The following TENM3 variants were observed in gnomAD, a reference collection of about 807,000 sequenced individuals.
TENM3 encodes the protein teneurin-3.
Under a neutral mutation model 255.1 loss-of-function variants are expected in TENM3, and 63 were observed. The observed-to-expected ratio is 0.25, with a 90% CI of 0.20 to 0.30. The LOEUF is 0.30. TENM3 is among the 10% of genes least tolerant of loss of function. The pLI, the probability that TENM3 is intolerant of heterozygous loss-of-function variation, is 1.00. For synonymous variants in TENM3, 1,306 were observed against 1,322.3 expected (o/e 0.99, Z 0.27); for missense variants, 2,929 against 3,461.1 (o/e 0.85, Z 3.86).
chr4:181,732,696 G>T, the TENM3 span, among the ~76,000 whole-genome samples: 5 of 151,854 alleles, frequency 3.3e-5, no homozygotes, highest in African/African-American at 9.7e-5. Flanking sequence ...ACCAAGAAAA[G>T]AAGGGCAAAA....
the TENM3 span, among the ~76,000 whole-genome samples, chr4:181,797,701 G>C: frequency 6.6e-6 from 1 of 152,100 alleles, no homozygotes; most frequent in Non-Finnish European, 1.5e-5. Flanking sequence ...CATAGGCTTC[G>C]CAGTGATTAT....
intron 3 of TENM3, among the ~76,000 whole-genome samples, chr4:182,464,369 G>C (rs888661650): frequency 6.6e-6 from 1 of 152,122 alleles, no homozygotes; most frequent in Admixed American, 6.5e-5. Context: ...TGATTCTCCT[G>C]ACTCAGCCTC....
At chr4:182,235,813 C>T (rs1486547328) in intron 1 of TENM3, among the ~76,000 whole-genome samples, 1 of 152,182 alleles carries the variant, frequency 6.6e-6, no homozygotes, top group Non-Finnish European at 1.5e-5. Flanking sequence ...TGTGTTCATT[C>T]AGGCAGTGAA....
At chr4:181,779,375 C>T in the TENM3 span, among the ~76,000 whole-genome samples, 1 of 151,804 alleles carries the variant, frequency 6.6e-6, no homozygotes, top group African/African-American at 2.4e-5. Flanking sequence ...CAGTTCTAAA[C>T]AAGAACTACA....
chr4:182,374,476 G>T (rs562347622), intron 3 of TENM3, among the ~76,000 whole-genome samples: 2 of 152,092 alleles, frequency 1.3e-5, no homozygotes, highest in Non-Finnish European at 2.9e-5. Flanking sequence ...CACATGATGA[G>T]TTGTGTTATA....
In TENM3 at chr4:182,160,159, C is replaced by T. The variant is rs1460504481; in HGVS notation, c.-76+15405C>T. 7.3e-5 allele frequency among the ~76,000 whole-genome samples: 11 copies of T among 149,916 alleles called. 1 individual carries two copies. Among genetic ancestry groups the T allele is most frequent in the Non-Finnish European group, 1.0e-4 (7 of 67,038 alleles). ...CTGGGACTACAGGCGCCCGCCACCA[C>T]GCCTGGCTAATTTTATGTATTTTTA... On this transcript the variant is annotated intron_variant, in intron 1 of 2. Transcript: ENST00000512480.
At chr4:181,899,107 A>T in the TENM3 span, among the ~76,000 whole-genome samples, 1 of 151,996 alleles carries the variant, frequency 6.6e-6, no homozygotes, top group African/African-American at 2.4e-5. Context: ...TCTAAATACC[A>T]ATAATTTGGG....
At chr4:181,830,465 G>T in the TENM3 span, among the ~76,000 whole-genome samples, 1 of 151,966 alleles carries the variant, frequency 6.6e-6, no homozygotes, top group Admixed American at 6.6e-5. Context: ...TAGAGATGGG[G>T]TTTCACCATG....
the TENM3 span, among the ~76,000 whole-genome samples, chr4:181,781,663 G>A: frequency 1.4e-4 from 21 of 152,284 alleles, no homozygotes; most frequent in African/African-American, 5.1e-4. Context: ...ATGTTGAATA[G>A]GAGTGGTGAG....
the TENM3 span, among the ~76,000 whole-genome samples, chr4:181,876,097 C>G: frequency 2.2e-4 from 34 of 152,304 alleles, no homozygotes; most frequent in African/African-American, 8.2e-4. Context: ...AAGACAAATA[C>G]TCTTGTTCAT....
chr4:181,589,346 T>C, the TENM3 span, among the ~76,000 whole-genome samples: 2 of 152,218 alleles, frequency 1.3e-5, no homozygotes, highest in African/African-American at 4.8e-5. Flanking sequence ...GGGCTAGTCC[T>C]TGCAGAAATT....
chr4:181,542,411 G>C, the TENM3 span, among the ~76,000 whole-genome samples: 96 of 152,252 alleles, frequency 6.3e-4, no homozygotes, highest in African/African-American at 2.1e-3. Context: ...GCCATTAAAG[G>C]TTTTGAGTAG....
chr4:182,075,200 C>CTTTT, the TENM3 span, among the ~76,000 whole-genome samples: 56,253 of 127,586 alleles, frequency 0.44, 13,463 homozygotes, highest in African/African-American at 0.58. Flanking sequence ...TGTTTTTTTT[C>CTTTT]TTTTTTTTTT....
the TENM3 span, among the ~76,000 whole-genome samples, chr4:181,843,614 C>A: frequency 6.6e-6 from 1 of 151,874 alleles, no homozygotes; most frequent in Non-Finnish European, 1.5e-5. Flanking sequence ...TATCATAGAA[C>A]ACCGGAGACT....
chr4:182,650,889 A>AAAAAATATATATATATATATATATAT (rs1281790163), intron 5 of TENM3, among the ~76,000 whole-genome samples: 2 of 29,750 alleles, frequency 6.7e-5, no homozygotes, highest in South Asian at 8.9e-4. Context: ...AATAAAAAAA[A>AAAAAATATATATATATATATATATAT]ATATATATAT....
At chr4:181,574,346 A>G in the TENM3 span, among the ~76,000 whole-genome samples, 2 of 151,884 alleles carry the variant, frequency 1.3e-5, no homozygotes, top group Non-Finnish European at 2.9e-5. Context: ...CCTGGCTAAC[A>G]AGGTGAAACC....
the TENM3 span, among the ~76,000 whole-genome samples, chr4:181,605,568 A>AAGAAAG: frequency 7.1e-5 from 3 of 42,196 alleles, no homozygotes; most frequent in East Asian, 6.3e-4. Context: ...GAAAGAAAGA[A>AAGAAAG]AGAGAGAGAA....
At chr4:182,138,953 G>A in the TENM3 span, among the ~76,000 whole-genome samples, 1 of 152,156 alleles carries the variant, frequency 6.6e-6, no homozygotes, top group African/African-American at 2.4e-5. Context: ...GCATTTTCAA[G>A]GTAAATTTTA....
At chr4:182,493,026 C>T (rs72701932) in intron 3 of TENM3, among the ~76,000 whole-genome samples, 3,408 of 152,038 alleles carry the variant, frequency 0.022, 49 homozygotes, top group Non-Finnish European at 0.035. Context: ...TGAGACGTGA[C>T]AATTTTCCAT....
Sources: gnomAD v4.1 joint callset for allele counts (sites outside exome capture counted in the v4.1 genomes callset) on GRCh38, gnomAD v4.1.1 for gene constraint, MANE v1.5 for transcripts, NCBI Gene and HGNC (gene_info 2026-07-23, HGNC 2026-07-21) for gene names.